Variants in KYNU observed in about 807,000 individuals in gnomAD.
KYNU encodes kynureninase.
In KYNU, 54 loss-of-function variants were observed where a neutral mutation model predicts 59.2. The ratio of observed to expected loss-of-function variants is 0.91; its 90% CI spans 0.73 to 1.14. The LOEUF is 1.14. KYNU is among the 50% of genes most tolerant of loss of function. The pLI is 0.00. For missense variants in KYNU, 567 were observed against 554.4 expected (o/e 1.02, Z -0.23); for synonymous variants, 177 against 192.0 (o/e 0.92, Z 0.65).
intron 10 of KYNU, among the ~76,000 whole-genome samples, chr2:142,991,684 T>C (rs958665597): frequency 2.0e-5 from 3 of 151,950 alleles, no homozygotes; most frequent in Non-Finnish European, 4.4e-5. Flanking sequence ...CTCTTCTGTA[T>C]TTTAAAATGT....
rs543920415 is a variant in KYNU at position 143,054,258 on chromosome 2, C to T, written c.*12086C>T. 7.2e-5 allele frequency: 11 copies of T among 151,964 alleles called. No individual in the cohort carries two copies. In the South Asian group the frequency reaches 1.2e-3, roughly 17 times the overall value. 9.4% of individuals were successfully genotyped at this position (151,964 alleles called of 1,614,324 possible). On this transcript the variant is annotated 3_prime_UTR_variant, in exon 14 of 14. Coordinates refer to ENST00000264170, the MANE Select transcript of KYNU (RefSeq NM_003937.3). ...TGTATAAGTATTTCCCCAAGTTTCA[C>T]TTTATCTTTCTATTACTTTTTTTAC...
At chr2:143,035,731 G>A (rs1353764945) in intron 12 of KYNU, among the ~76,000 whole-genome samples, 2 of 152,064 alleles carry the variant, frequency 1.3e-5, no homozygotes, top group Non-Finnish European at 2.9e-5. Flanking sequence ...AACTGGGACT[G>A]CAGGACTGCA....
At chr2:143,024,373 A>C (rs1686493879) in intron 10 of KYNU, among the ~76,000 whole-genome samples, 1 of 151,936 alleles carries the variant, frequency 6.6e-6, no homozygotes, top group African/African-American at 2.4e-5. Flanking sequence ...ACAATATGTC[A>C]TTTTGTTATA....
intron 13 of KYNU, among the ~76,000 whole-genome samples, chr2:143,041,194 C>CT (rs1687033840): frequency 1.3e-5 from 2 of 151,844 alleles, no homozygotes; most frequent in Non-Finnish European, 2.9e-5. Context: ...CCTTCTTGGT[C>CT]TCTTGAAGAG....
At chr2:142,967,162 A>G (rs1684572541) in intron 8 of KYNU, among the ~76,000 whole-genome samples, 1 of 152,124 alleles carries the variant, frequency 6.6e-6, no homozygotes, top group Non-Finnish European at 1.5e-5. Flanking sequence ...CTTAAAGCAC[A>G]TGGAAACTTA....
chr2:142,883,004 T>A (rs995016073), intron 1 of KYNU, among the ~76,000 whole-genome samples: 7 of 152,134 alleles, frequency 4.6e-5, no homozygotes, highest in Non-Finnish European at 8.8e-5. Flanking sequence ...GTTTCCTGAC[T>A]TTTTAATGAT....
chr2:142,955,929 A>G (rs561258766), intron 5 of KYNU, among the ~76,000 whole-genome samples: 29 of 152,206 alleles, frequency 1.9e-4, no homozygotes, highest in South Asian at 6.2e-4. Context: ...TCATCAATTA[A>G]TATATAAGTA....
rs187222812 is a variant in KYNU at position 143,038,503 on chromosome 2, G to T, written c.1042-1925G>T. 5.3e-5 allele frequency among the ~76,000 whole-genome samples: 8 copies of T among 152,134 alleles called. No individual in the cohort carries two copies. The South Asian group carries it at 1.7e-3, about 32-fold the overall frequency. ...CTCCTACCAAGTTCTGTGTAACCTGGGTCATCTGAATCTTGGAGCACTATT... is the reference window on the plus strand; with the variant it reads ...CTCCTACCAAGTTCTGTGTAACCTGTGTCATCTGAATCTTGGAGCACTATT... On this transcript the variant is annotated intron_variant, in intron 12 of 13. Coordinates refer to ENST00000264170, the MANE Select transcript of KYNU (RefSeq NM_003937.3).
At chr2:142,984,308 G>T (rs1330882369) in intron 8 of KYNU, among the ~76,000 whole-genome samples, 1 of 151,864 alleles carries the variant, frequency 6.6e-6, no homozygotes, top group East Asian at 1.9e-4. Flanking sequence ...TCTCAATAAT[G>T]GGAGCTAGTC....
In KYNU at chr2:143,050,359, A is replaced by G. The variant is rs1687243617; in HGVS notation, c.*8187A>G. 1 of 151,542 alleles carries G rather than the reference A, an allele frequency of 6.6e-6. No individual in the cohort carries two copies. The highest frequency in any genetic ancestry group is 6.6e-5 in the Admixed American group (1 of 15,194). The allele number at this position is 151,542 out of a possible 1,614,324, so 9.4% of individuals were successfully genotyped here. On this transcript the variant is annotated 3_prime_UTR_variant, in exon 14 of 14. Transcript: ENST00000264170. ...GTTGTTCCCCTCTCTGTGTCCATGT[A>G]TTCTCGCCTCCCACTTATGAGTGAG...
At chr2:142,891,189 T>C (rs1681698595) in intron 2 of KYNU, among the ~76,000 whole-genome samples, 1 of 152,208 alleles carries the variant, frequency 6.6e-6, no homozygotes, top group African/African-American at 2.4e-5. Flanking sequence ...TTCATCCATT[T>C]TAAGTATACA....
At chr2:142,996,226 A>G (rs2105178916) in intron 10 of KYNU, among the ~76,000 whole-genome samples, 1 of 152,250 alleles carries the variant, frequency 6.6e-6, no homozygotes, top group Middle Eastern at 3.4e-3. Flanking sequence ...ACTGGCTAAA[A>G]AAGATTGTTA....
rs554813983 is a variant in KYNU, at chr2:143,051,226, C to T, written c.*9054C>T. 3.3e-5 allele frequency: 5 copies of T among 152,182 alleles called. No homozygotes were observed. The South Asian group carries it at 1.0e-3, about 32-fold the overall frequency. 9.4% of individuals were successfully genotyped at this position (152,182 alleles called of 1,614,324 possible). On this transcript the variant is annotated 3_prime_UTR_variant, in exon 14 of 14. Transcript: ENST00000264170. ...GTTCTTGAGTCCTTTTGACATGACCCTATCTATTTTTGATAACTTCATAGC... is the reference window on the plus strand; with the variant it reads ...GTTCTTGAGTCCTTTTGACATGACCTTATCTATTTTTGATAACTTCATAGC...
chr2:142,902,478 AC>A (rs1412720983), intron 2 of KYNU, among the ~76,000 whole-genome samples: 1 of 152,180 alleles, frequency 6.6e-6, no homozygotes, highest in Admixed American at 6.5e-5. Flanking sequence ...ATTTTGCCGT[AC>A]CTGGGAATCC....
chr2:143,015,373 G>T (rs948321460), intron 10 of KYNU, among the ~76,000 whole-genome samples: 3 of 152,092 alleles, frequency 2.0e-5, no homozygotes, highest in Non-Finnish European at 2.9e-5. Flanking sequence ...TATGCATATT[G>T]GAGGTGGAAT....
chr2:142,909,088 C>G (rs1436417629), intron 2 of KYNU, among the ~76,000 whole-genome samples: 3 of 151,800 alleles, frequency 2.0e-5, no homozygotes, highest in African/African-American at 7.3e-5. Flanking sequence ...TTGTATCTAA[C>G]AATGTATTTA....
In KYNU at chr2:143,050,685, T is replaced by A; in HGVS notation, c.*8513T>A. 1.3e-5 allele frequency: 2 copies of A among 152,238 alleles called. No individual in the cohort carries two copies. The highest frequency in any genetic ancestry group is 2.9e-5 in the Non-Finnish European group (2 of 68,052). 9.4% of individuals were successfully genotyped at this position (152,238 alleles called of 1,614,324 possible). On this transcript the variant is annotated 3_prime_UTR_variant, in exon 14 of 14. Transcript: ENST00000264170. Reference sequence around the variant, plus strand: ...AAACAGACTGAAGAAAGACTGGGTGTGAAGTCAGTAAATTAATTTCAAATT... The same window carrying A: ...AAACAGACTGAAGAAAGACTGGGTGAGAAGTCAGTAAATTAATTTCAAATT...
chr2:142,966,957 G>A (rs1171961727), intron 8 of KYNU, among the ~76,000 whole-genome samples: 1 of 149,816 alleles, frequency 6.7e-6, no homozygotes, highest in East Asian at 2.0e-4. Flanking sequence ...GACTGTCACT[G>A]AATAGTTCCA....
intron 10 of KYNU, chr2:142,989,535 T>C (rs1573876361): frequency 1.0e-6 from 1 of 972,212 alleles, no homozygotes; most frequent in Non-Finnish European, 1.2e-6. Context: ...AATATCGAAA[T>C]AACATTTCTT....
Sources: gnomAD v4.1 joint callset for allele counts (sites outside exome capture counted in the v4.1 genomes callset) on GRCh38, gnomAD v4.1.1 for gene constraint, MANE v1.5 for transcripts, NCBI Gene and HGNC (gene_info 2026-07-23, HGNC 2026-07-21) for gene names.